Variants in FHIP1A observed in about 807,000 individuals in gnomAD.
FHIP1A encodes FHF complex subunit HOOK-interacting protein 1A.
In FHIP1A, 61 loss-of-function variants were observed where a neutral mutation model predicts 88.6. The observed-to-expected ratio is 0.69, with a 90% CI of 0.56 to 0.85. The LOEUF is 0.85. Among genes scored for constraint, FHIP1A ranks in the 40% least tolerant of loss-of-function variants. The probability of loss-of-function intolerance (pLI) is 0.00; values close to 1 mark genes in which losing one functional copy is unlikely to be tolerated. For missense variants in FHIP1A, 1,154 were observed against 1,273.5 expected (o/e 0.91, Z 1.43); for synonymous variants, 478 against 496.0 (o/e 0.96, Z 0.48).
At chr4:151,531,439 A>G (rs1731873797) in intron 3 of FHIP1A, among the ~76,000 whole-genome samples, 1 of 150,920 alleles carries the variant, frequency 6.6e-6, no homozygotes, top group Non-Finnish European at 1.5e-5. Flanking sequence ...AAACAACACT[A>G]CTGTGCGTAT....
At chr4:151,522,778 T>G (rs910727516) in intron 3 of FHIP1A, among the ~76,000 whole-genome samples, 3 of 152,234 alleles carry the variant, frequency 2.0e-5, no homozygotes, top group Non-Finnish European at 2.9e-5. Flanking sequence ...CTTTCATTCT[T>G]TCTTCCTTTT....
intron 1 of FHIP1A, among the ~76,000 whole-genome samples, chr4:151,436,210 A>T (rs999043180): frequency 4.6e-5 from 7 of 152,124 alleles, no homozygotes; most frequent in Non-Finnish European, 1.0e-4. Context: ...CTTGGTTTTC[A>T]TTAGAGTTTC....
intron 3 of FHIP1A, among the ~76,000 whole-genome samples, chr4:151,500,563 G>A (rs1293113236): frequency 6.6e-6 from 1 of 151,828 alleles, no homozygotes; most frequent in African/African-American, 2.4e-5. Flanking sequence ...TGATAAAGTT[G>A]GGAAAATAAT....
chr4:151,637,315 GA>G, intron 8 of FHIP1A, among the ~76,000 whole-genome samples: 1 of 152,198 alleles, frequency 6.6e-6, no homozygotes, highest in Admixed American at 6.6e-5. Flanking sequence ...TGATAAATTG[GA>G]AATTATCAAA....
At chr4:151,581,501 A>T (rs982085103) in intron 5 of FHIP1A, among the ~76,000 whole-genome samples, 1 of 152,194 alleles carries the variant, frequency 6.6e-6, no homozygotes, top group Non-Finnish European at 1.5e-5. Context: ...ATTTTAGTTG[A>T]GCATTGCTTT....
intron 3 of FHIP1A, among the ~76,000 whole-genome samples, chr4:151,489,290 C>T (rs1189688266): frequency 5.9e-5 from 9 of 152,128 alleles, no homozygotes; most frequent in Admixed American, 4.6e-4. Context: ...CACTCCAGGT[C>T]CCCAGCTAGA....
intron 1 of FHIP1A, among the ~76,000 whole-genome samples, chr4:151,419,437 A>G (rs372785947): frequency 2.0e-5 from 3 of 152,170 alleles, no homozygotes; most frequent in Admixed American, 1.3e-4. Context: ...AAGTCTCTTT[A>G]TAAACACACA....
chr4:151,537,240 A>G (rs550495023), intron 3 of FHIP1A, among the ~76,000 whole-genome samples: 2 of 151,868 alleles, frequency 1.3e-5, no homozygotes, highest in Admixed American at 6.6e-5. Flanking sequence ...AACTCTTACC[A>G]GCAAGTGATC....
chr4:151,520,469 A>G (rs887584093), intron 3 of FHIP1A, among the ~76,000 whole-genome samples: 25 of 152,278 alleles, frequency 1.6e-4, no homozygotes, highest in Non-Finnish European at 2.6e-4. Context: ...TGAATGTTCC[A>G]TAAATCATAT....
chr4:151,436,703 GTCTAAA>G (rs1468264517), intron 1 of FHIP1A, among the ~76,000 whole-genome samples: 2 of 152,092 alleles, frequency 1.3e-5, no homozygotes, highest in African/African-American at 4.8e-5. Flanking sequence ...ACCTGTGCTA[GTCTAAA>G]TCTAAATGGT....
At chr4:151,545,668 C>T (rs981444306) in intron 3 of FHIP1A, among the ~76,000 whole-genome samples, 1 of 151,350 alleles carries the variant, frequency 6.6e-6, no homozygotes, top group Admixed American at 6.6e-5. Context: ...TGAGCCACCT[C>T]CCCCAGCCTC....
chr4:151,452,500 C>T (rs547208078), intron 1 of FHIP1A, among the ~76,000 whole-genome samples: 57 of 152,108 alleles, frequency 3.7e-4, no homozygotes, highest in African/African-American at 1.2e-3. Flanking sequence ...CTGAGGTGGG[C>T]GGATCAGTTG....
chr4:151,471,285 C>CTT (rs35143840), intron 2 of FHIP1A, among the ~76,000 whole-genome samples: 16,245 of 136,120 alleles, frequency 0.12, 1,023 homozygotes, highest in African/African-American at 0.15. Flanking sequence ...GGAATTGTTC[C>CTT]TTTTTTTTTT....
chr4:151,425,478 C>G (rs1229556305), intron 1 of FHIP1A, among the ~76,000 whole-genome samples: 2 of 151,952 alleles, frequency 1.3e-5, no homozygotes, highest in Non-Finnish European at 2.9e-5. Context: ...AATTTAAACT[C>G]TGGATGGTAG....
chr4:151,639,971 G>C (rs1327670887), intron 9 of FHIP1A, among the ~76,000 whole-genome samples: 1 of 152,140 alleles, frequency 6.6e-6, no homozygotes, highest in Non-Finnish European at 1.5e-5. Context: ...TTGAGTAGAG[G>C]TTACTGAGAA....
intron 11 of FHIP1A, among the ~76,000 whole-genome samples, chr4:151,652,645 T>C (rs1209392173): frequency 6.6e-6 from 1 of 152,202 alleles, no homozygotes; most frequent in Non-Finnish European, 1.5e-5. Context: ...AGTTGTCATA[T>C]GCCAAGACCA....
intron 2 of FHIP1A, among the ~76,000 whole-genome samples, chr4:151,473,364 T>C (rs1312519462): frequency 6.6e-6 from 1 of 152,118 alleles, no homozygotes. Context: ...TAGTTAATGC[T>C]CCTTCATTTC....
At chr4:151,578,870 G>A (rs906357645) in intron 5 of FHIP1A, among the ~76,000 whole-genome samples, 9 of 152,238 alleles carry the variant, frequency 5.9e-5, no homozygotes, top group East Asian at 1.9e-4. Context: ...CAGGTGAATA[G>A]ACAAATAAAG....
At chr4:151,556,827 C>T (rs1440002821) in intron 3 of FHIP1A, among the ~76,000 whole-genome samples, 6 of 152,114 alleles carry the variant, frequency 3.9e-5, no homozygotes, top group African/African-American at 1.4e-4. Context: ...GTGGGTATCT[C>T]ACTGTGCTGA....
Sources: allele counts gnomAD v4.1 joint callset (sites outside exome capture counted in the v4.1 genomes callset), GRCh38; gene constraint gnomAD v4.1.1; transcripts MANE v1.5; gene names NCBI Gene and HGNC (gene_info 2026-07-23, HGNC 2026-07-21).